PREX2: variants seen among roughly 807,000 people sequenced by gnomAD.
The protein encoded by PREX2 is phosphatidylinositol 3,4,5-trisphosphate-dependent Rac exchanger 2 protein.
A neutral mutation model predicts 203.2 loss-of-function variants in PREX2; 107 were observed. The ratio of observed to expected loss-of-function variants is 0.53; its 90% CI spans 0.45 to 0.62. The LOEUF (loss-of-function observed/expected upper bound fraction) is 0.62. Among genes scored for constraint, PREX2 ranks in the 20% least tolerant of loss-of-function variants. PREX2 has a pLI of 0.00. For synonymous variants in PREX2, 672 were observed against 663.6 expected (o/e 1.01, Z -0.19); for missense variants, 1,777 against 1,955.9 (o/e 0.91, Z 1.72).
chr8:68,232,624 T>A lies in PREX2; in HGVS notation c.*1246T>A, dbSNP rs1244248873. ...TTATGTGCAAACTATTATTAATTTT[T>A]TTTTTATTTTTTGAAACTGAGTCTC... On this transcript the variant is annotated 3_prime_UTR_variant, in exon 40 of 40. Transcript: ENST00000288368. 3 of 152,202 alleles carry A rather than the reference T, an allele frequency of 2.0e-5. No individual in the cohort carries two copies. The highest frequency in any genetic ancestry group is 2.0e-4 in the Admixed American group (3 of 15,270). 9.4% of individuals were successfully genotyped at this position (152,202 alleles called of 1,614,324 possible). A position where few individuals can be genotyped will look rare whatever the true frequency, so the allele number is the denominator to read the frequency against.
intron 1 of PREX2, among the ~76,000 whole-genome samples, chr8:68,001,753 A>G (rs1806942903): frequency 6.6e-6 from 1 of 152,254 alleles, no homozygotes; most frequent in South Asian, 2.1e-4. Flanking sequence ...ACCACAGAAT[A>G]CTATACAGCC....
At chr8:68,216,979 A>AC (rs977616913) in intron 37 of PREX2, among the ~76,000 whole-genome samples, 2 of 152,008 alleles carry the variant, frequency 1.3e-5, no homozygotes, top group Admixed American at 1.3e-4. Flanking sequence ...AAAAAAAAAA[A>AC]AAAAAATGAG....
intron 30 of PREX2, among the ~76,000 whole-genome samples, chr8:68,125,153 T>A (rs1397528704): frequency 1.1e-4 from 16 of 152,110 alleles, no homozygotes; most frequent in Admixed American, 9.9e-4. Context: ...TGAAATCAGT[T>A]GCTTGTTATG....
intron 34 of PREX2, among the ~76,000 whole-genome samples, chr8:68,152,880 C>T (rs1353591398): frequency 3.9e-5 from 6 of 152,126 alleles, no homozygotes; most frequent in African/African-American, 4.8e-5. Flanking sequence ...GGAGTGTGTC[C>T]GTAGTCATCA....
rs188734550 is a variant in PREX2, at chr8:68,115,359, G to T, written c.3147-394G>T. Among the ~76,000 whole-genome samples the T allele has an allele frequency of 4.8e-4, 73 of 152,258 alleles. No homozygotes were observed. The Middle Eastern group carries it at 0.027, about 57-fold the overall frequency. ...CGAGTATTTTCATAAGGTGGTGATG[G>T]TTGTGCTAATGGCCAGGGGCTAGAG... On this transcript the variant is annotated intron_variant, in intron 25 of 39. Transcript: ENST00000288368.
intron 33 of PREX2, 131 bp from the exon 34 acceptor site, chr8:68,146,078 A>G: frequency 1.6e-6 from 1 of 621,712 alleles, no homozygotes. Flanking sequence ...TCGAATCCCA[A>G]CTTGATAAAC....
chr8:68,110,889 A>G (rs542568776), intron 25 of PREX2: 85 of 366,528 alleles, frequency 2.3e-4, no homozygotes, highest in Admixed American at 3.5e-4. Flanking sequence ...TATTTCTAAT[A>G]TGCTAGTTTT....
At chr8:68,196,482 T>TATATATATATGTACAC (rs1379177730) in intron 37 of PREX2, among the ~76,000 whole-genome samples, 2 of 147,932 alleles carry the variant, frequency 1.4e-5, no homozygotes, top group Non-Finnish European at 3.0e-5. Context: ...TATGTACATA[T>TATATATATATGTACAC]ATATATATGT....
chr8:68,027,094 C>G, intron 4 of PREX2, 128 bp from the exon 5 acceptor site: 1 of 691,914 alleles, frequency 1.4e-6, no homozygotes, highest in Admixed American at 2.4e-5. Context: ...ACTGAATATG[C>G]TCTTCTTAGA....
intron 1 of PREX2, among the ~76,000 whole-genome samples, chr8:67,988,773 G>A (rs1316364042): frequency 3.9e-5 from 6 of 152,148 alleles, no homozygotes; most frequent in African/African-American, 7.2e-5. Context: ...CAGGTCACGC[G>A]TACATGACAA....
rs573675739 is a variant in PREX2 at position 68,109,496 on chromosome 8, G to T, written c.3019G>T (p.Asp1007Tyr). The T allele has an allele frequency of 3.7e-6, 6 of 1,614,014 alleles. No individual in the cohort carries two copies. In the African/African-American group the frequency reaches 8.0e-5, roughly 22 times the overall value. The part of the protein sequence containing the change: ...APSGLSLGQQ[D>Y]GHGLRYLLKE... ...TTCAGGTCTGTCTCTGGGACAGCAG[G>T]ATGGCCATGGTCTCAGGTATCTGCT... Residue 1007 changes from aspartate (D) to tyrosine (Y), a missense_variant, in exon 25 of 40, where the codon GAT becomes TAT. Coordinates refer to ENST00000288368, the MANE Select transcript of PREX2 (RefSeq NM_024870.4).
intron 1 of PREX2, among the ~76,000 whole-genome samples, chr8:67,961,041 T>G (rs1805620852): frequency 6.6e-6 from 1 of 151,392 alleles, no homozygotes; most frequent in Admixed American, 6.6e-5. Flanking sequence ...AACTTCTATT[T>G]TACATTTGAT....
At chr8:68,183,332 G>A (rs960754338) in intron 35 of PREX2, among the ~76,000 whole-genome samples, 2 of 152,060 alleles carry the variant, frequency 1.3e-5, no homozygotes, top group African/African-American at 4.8e-5. Flanking sequence ...GTATGAAAAT[G>A]CAGAATTATC....
At position 68,108,319 on chromosome 8, in the gene PREX2, T is replaced by C. The variant is rs1202119385; in HGVS notation, c.2926T>C (p.Ser976Pro). The C allele has an allele frequency of 2.5e-6, 4 of 1,612,972 alleles. No individual in the cohort carries two copies. In the African/African-American group the frequency reaches 4.0e-5, roughly 16 times the overall value. ...TAATTCTCATGATAAAGAAAACAAA[T>C]CTTCGGAGCAAGGTATGCTAGCTTT... is the stretch of plus-strand genomic sequence containing the variant. ...KHNSHDKENK[S>P]SEQGKLSPMV... Residue 976 changes from serine (S) to proline (P), a missense_variant, in exon 24 of 40, where the codon TCT (serine) becomes CCT (proline). Coordinates refer to ENST00000288368, the MANE Select transcript of PREX2 (RefSeq NM_024870.4).
intron 38 of PREX2, among the ~76,000 whole-genome samples, chr8:68,223,037 C>T (rs192062521): frequency 1.2e-4 from 19 of 152,146 alleles, no homozygotes; most frequent in South Asian, 1.0e-3. Context: ...GACAGGTAAG[C>T]GAAAGGCAAT....
At chr8:68,066,239 C>G (rs1809012363) in intron 11 of PREX2, among the ~76,000 whole-genome samples, 1 of 152,086 alleles carries the variant, frequency 6.6e-6, no homozygotes, top group African/African-American at 2.4e-5. Flanking sequence ...GTTACACACC[C>G]AGAAGTAAAA....
chr8:68,073,176 G>GT (rs1809249432), intron 14 of PREX2, among the ~76,000 whole-genome samples: 1 of 150,896 alleles, frequency 6.6e-6, no homozygotes, highest in Non-Finnish European at 1.5e-5. Flanking sequence ...ATATTCAAAA[G>GT]TTTAAGTATT....
At chr8:68,114,547 T>G (rs1810603687) in intron 25 of PREX2, among the ~76,000 whole-genome samples, 1 of 152,180 alleles carries the variant, frequency 6.6e-6, no homozygotes, top group African/African-American at 2.4e-5. Flanking sequence ...TTTGAGTTAG[T>G]TGTAACAGAA....
chr8:68,032,788 G>A (rs906693185), intron 6 of PREX2, among the ~76,000 whole-genome samples: 1 of 152,118 alleles, frequency 6.6e-6, no homozygotes, highest in South Asian at 2.1e-4. Flanking sequence ...CTACCTTAGC[G>A]TTAGGACAGG....
Sources: gnomAD v4.1 joint callset for allele counts (sites outside exome capture counted in the v4.1 genomes callset) on GRCh38, gnomAD v4.1.1 for gene constraint, MANE v1.5 for transcripts, NCBI Gene and HGNC (gene_info 2026-07-23, HGNC 2026-07-21) for gene names.